The following CUX1 variants were observed in gnomAD, a reference collection of about 807,000 sequenced individuals.
The protein encoded by CUX1 is cut like homeobox 1, also known as protein CASP.
In CUX1, 31 loss-of-function variants were observed where a neutral mutation model predicts 158.8. That is an observed-to-expected ratio of 0.20 (90% CI 0.15 to 0.26). The LOEUF is 0.26. Among genes scored for constraint, CUX1 ranks in the 10% least tolerant of loss-of-function variants. The pLI, the probability that CUX1 is intolerant of heterozygous loss-of-function variation, is 1.00. For missense variants in CUX1, 1,589 were observed against 2,014.6 expected (o/e 0.79, Z 4.04); for synonymous variants, 879 against 862.1 (o/e 1.02, Z -0.34).
intron 1 of CUX1, among the ~76,000 whole-genome samples, chr7:101,820,976 C>A (rs1371980819): frequency 6.6e-6 from 1 of 152,192 alleles, no homozygotes; most frequent in African/African-American, 2.4e-5. Flanking sequence ...CTTACCTGGA[C>A]AAAGCAGTCG....
chr7:101,935,531 G>A (rs976811728), intron 2 of CUX1, among the ~76,000 whole-genome samples: 6 of 152,234 alleles, frequency 3.9e-5, no homozygotes, highest in African/African-American at 1.4e-4. Flanking sequence ...TCTGCTGTGG[G>A]TGCCCTGCAC....
At chr7:102,173,855 C>G (rs1334970243) in intron 10 of CUX1, among the ~76,000 whole-genome samples, 2 of 152,116 alleles carry the variant, frequency 1.3e-5, no homozygotes, top group South Asian at 4.1e-4. Flanking sequence ...GGGCTCCCCG[C>G]GGGCGTGTAT....
At chr7:102,043,322 A>AGTGT (rs1822334389) in intron 3 of CUX1, among the ~76,000 whole-genome samples, 2 of 54,192 alleles carry the variant, frequency 3.7e-5, no homozygotes, top group African/African-American at 1.2e-4. Flanking sequence ...CCATTAGCTC[A>AGTGT]CTGTGTGTGT....
chr7:101,892,761 A>G (rs1801032948), intron 1 of CUX1, among the ~76,000 whole-genome samples: 1 of 152,098 alleles, frequency 6.6e-6, no homozygotes, highest in African/African-American at 2.4e-5. Context: ...TAGGCCCTGC[A>G]AGAGAATGAG....
chr7:102,029,676 A>T (rs1012235986), intron 3 of CUX1, among the ~76,000 whole-genome samples: 4 of 152,120 alleles, frequency 2.6e-5, no homozygotes, highest in African/African-American at 7.2e-5. Flanking sequence ...TCTTCTTATG[A>T]TCTTCTTCCT....
intron 1 of CUX1, among the ~76,000 whole-genome samples, chr7:101,879,991 G>T (rs1427255773): frequency 6.6e-6 from 1 of 152,170 alleles, no homozygotes; most frequent in Non-Finnish European, 1.5e-5. Context: ...AGGTGGCTTT[G>T]CTGGGGGCTG....
intron 8 of CUX1, among the ~76,000 whole-genome samples, chr7:102,150,507 G>T (rs1215445929): frequency 6.6e-6 from 1 of 152,162 alleles, no homozygotes; most frequent in Non-Finnish European, 1.5e-5. Context: ...GTCTTTGAAG[G>T]CCGCTCTGTA....
Position 102,041,075 on chromosome 7 carries a change from T to C in CUX1, c.189+12930T>C, listed in dbSNP as rs1353993406. Among the ~76,000 whole-genome samples the C allele has an allele frequency of 3.3e-5, 5 of 151,070 alleles. No homozygotes were observed. In the East Asian group the frequency reaches 9.8e-4, roughly 30 times the overall value. ...AGGCTGAGGCGGGTGGATCACAAGGTCAGGAGTTCAAGACCAGCCTGGCCA... is the reference window on the plus strand; with the variant it reads ...AGGCTGAGGCGGGTGGATCACAAGGCCAGGAGTTCAAGACCAGCCTGGCCA... On this transcript the variant is annotated intron_variant, in intron 3 of 23. Transcript: ENST00000292535.
At chr7:102,006,334 C>T (rs1220108522) in intron 2 of CUX1, among the ~76,000 whole-genome samples, 3 of 152,104 alleles carry the variant, frequency 2.0e-5, no homozygotes, top group Admixed American at 6.5e-5. Context: ...AGTGCTCCCT[C>T]GAAGGACAAC....
intron 8 of CUX1, among the ~76,000 whole-genome samples, chr7:102,138,144 A>G (rs1410282178): frequency 6.6e-6 from 1 of 152,082 alleles, no homozygotes; most frequent in Non-Finnish European, 1.5e-5. Flanking sequence ...AAATCGTGCC[A>G]CTGCACCCCA....
At chr7:102,014,668 G>T (rs190615082) in intron 2 of CUX1, among the ~76,000 whole-genome samples, 1 of 152,204 alleles carries the variant, frequency 6.6e-6, no homozygotes, top group East Asian at 1.9e-4. Flanking sequence ...GGGATAATCC[G>T]TTGGGAAGTC....
chr7:101,980,777 C>T lies in CUX1; in HGVS notation c.142-47321C>T, dbSNP rs111318166. 3.0e-3 allele frequency among the ~76,000 whole-genome samples: 457 copies of T among 152,218 alleles called. 5 individuals carry two copies. The highest frequency in any genetic ancestry group is 0.011 in the African/African-American group (443 of 41,518). On this transcript the variant is annotated intron_variant, in intron 2 of 23. Transcript: ENST00000292535. ...CCAAGAACAGGGCTCCTGAAGGCCC[C>T]GAGAACCAGCCCGCCGTCCGCACGG...
chr7:101,956,138 C>CAAAAA (rs11462111), intron 2 of CUX1, among the ~76,000 whole-genome samples: 11 of 64,952 alleles, frequency 1.7e-4, no homozygotes, highest in Admixed American at 4.2e-4. Flanking sequence ...GCCCACGTCT[C>CAAAAA]AAAAAAAAAA....
chr7:102,075,547 G>C (rs1300069616), intron 4 of CUX1, among the ~76,000 whole-genome samples: 1 of 152,244 alleles, frequency 6.6e-6, no homozygotes, highest in Non-Finnish European at 1.5e-5. Context: ...CCATGTGGCA[G>C]AAACTCCATA....
chr7:102,050,835 T>C (rs1823407321), intron 3 of CUX1, among the ~76,000 whole-genome samples: 2 of 152,068 alleles, frequency 1.3e-5, no homozygotes, highest in Non-Finnish European at 2.9e-5. Context: ...CTCGAGTAGC[T>C]GGGACTATGG....
At chr7:101,959,912 C>T (rs1421310087) in intron 2 of CUX1, among the ~76,000 whole-genome samples, 1 of 152,140 alleles carries the variant, frequency 6.6e-6, no homozygotes, top group African/African-American at 2.4e-5. Flanking sequence ...TTTTGCAAGG[C>T]TTTTTAGAAT....
intron 8 of CUX1, among the ~76,000 whole-genome samples, chr7:102,132,675 C>CTTTGCTTT (rs782335692): frequency 2.9e-5 from 3 of 103,444 alleles, no homozygotes; most frequent in Non-Finnish European, 5.9e-5. Flanking sequence ...TTTTTCTTTG[C>CTTTGCTTT]TTTTCTTTTT....
chr7:102,175,849 C>T (rs1323555994), intron 10 of CUX1, among the ~76,000 whole-genome samples: 5 of 152,318 alleles, frequency 3.3e-5, no homozygotes, highest in East Asian at 1.9e-4. Context: ...GCAGACTGAT[C>T]GTTTTATATA....
intron 1 of CUX1, among the ~76,000 whole-genome samples, chr7:101,821,361 C>CA (rs1424342233): frequency 6.9e-6 from 1 of 145,616 alleles, no homozygotes; most frequent in Non-Finnish European, 1.5e-5. Flanking sequence ...TTTTTTGAGA[C>CA]AGAGTCTCGC....
Sources: allele counts gnomAD v4.1 joint callset (sites outside exome capture counted in the v4.1 genomes callset), GRCh38; gene constraint gnomAD v4.1.1; transcripts MANE v1.5; gene names NCBI Gene and HGNC (gene_info 2026-07-23, HGNC 2026-07-21).